IFT172: variants seen among roughly 807,000 people sequenced by gnomAD.
The protein encoded by IFT172 is intraflagellar transport protein 172 homolog.
IFT172 carries 164 observed loss-of-function variants against 248.9 expected under a neutral mutation model. The observed-to-expected ratio is 0.66, with a 90% confidence interval of 0.58 to 0.75. The LOEUF (loss-of-function observed/expected upper bound fraction) is 0.75, where lower values mean the gene tolerates loss of function less well. Among genes scored for constraint, IFT172 ranks in the 30% least tolerant of loss-of-function variants. The pLI, the probability that IFT172 is intolerant of heterozygous loss-of-function variation, is 0.00. For missense variants in IFT172, 1,950 were observed against 2,192.4 expected, an observed-to-expected ratio of 0.89 and a Z score of 2.21; for synonymous variants, 729 against 791.6, an observed-to-expected ratio of 0.92 and a Z score of 1.33.
intron 8 of IFT172, among the ~76,000 whole-genome samples, chr2:27,480,436 GA>G (rs2148548756): frequency 6.6e-6 from 1 of 152,264 alleles, no homozygotes; most frequent in East Asian, 1.9e-4. Context: ...ATGGAACAAG[GA>G]GATAAATGGT....
intron 5 of IFT172, 78 bp from the exon 6 acceptor site, chr2:27,483,737 T>G: frequency 6.5e-7 from 1 of 1,528,914 alleles, no homozygotes; most frequent in South Asian, 1.1e-5. Context: ...AAGGAAAAAC[T>G]GTCCCACAAA....
At position 27,461,347 on chromosome 2, in the gene IFT172, G is replaced by A. The variant is rs754622207; in HGVS notation, c.2364C>T (p.Thr788=). The A allele has an allele frequency of 6.2e-7, 1 of 1,614,146 alleles. No homozygotes were observed. Among genetic ancestry groups the A allele is most frequent in the South Asian group, 1.1e-5 (1 of 91,084 alleles). ...LPAKAARLVL[T]REELLANTEL... ...CTGTGTTGGCTAGCAGTTCCTCTCG[G>A]GTCAGCACCAGCCGAGCAGCTTTGG... The change falls in exon 22 of 48, where the codon ACC becomes ACT. Residue 788 remains threonine (T), a synonymous_variant. Transcript: ENST00000260570.
Position 27,445,028 on chromosome 2 carries a change from G to A in IFT172, c.5146C>T (p.Leu1716Phe). The change falls in exon 47 of 48, where the codon CTT (leucine) becomes TTT (phenylalanine). Residue 1716 changes from leucine to phenylalanine, a missense_variant. Transcript: ENST00000260570. This position sits in a 1 kb window ranked among gnomAD's most constrained non-coding sequence, Gnocchi z 4.4. ...AANKDNWNKF[L>F]MAIKTSHSPV... Reference sequence around the variant, plus strand: ...TCCTCTCTAACCTTGATGGCCATAAGGAATTTATTCCAGTTGTCCTTGTTA... The same window carrying A: ...TCCTCTCTAACCTTGATGGCCATAAAGAATTTATTCCAGTTGTCCTTGTTA... 1 of 1,613,894 alleles carries A rather than the reference G, an allele frequency of 6.2e-7. No individual in the cohort carries two copies. The highest frequency in any genetic ancestry group is 8.5e-7 in the Non-Finnish European group (1 of 1,179,998).
In IFT172 at chr2:27,445,178, G is replaced by C. The variant is rs916432121; in HGVS notation, c.5069-73C>G. On this transcript the variant is annotated intron_variant, in intron 46 of 47. Transcript: ENST00000260570. The surrounding 1 kb of genome is among the most constrained non-coding windows in gnomAD (Gnocchi z 4.4). ...GAGGGAAAAATGAGGAGCAGCCTGG[G>C]GGGTAGAAAGCACAGTCCTGTCTTT... The C allele has an allele frequency of 3.8e-5, 60 of 1,597,874 alleles. 1 individual carries two copies. In the East Asian group the frequency reaches 6.7e-4, roughly 18 times the overall value.
chr2:27,446,375 A>C lies in IFT172; in HGVS notation c.4660-20T>G. 1.2e-6 allele frequency: 2 copies of C among 1,610,060 alleles called. No individual in the cohort carries two copies. The highest frequency in any genetic ancestry group is 1.7e-6 in the Non-Finnish European group (2 of 1,176,284). On this transcript the variant is annotated intron_variant, in intron 42 of 47. Coordinates refer to ENST00000260570, the MANE Select transcript of IFT172 (RefSeq NM_015662.3). ...GGTTTCCTGGGATTAAAGTCAAAGC[A>C]TTATGAATATGGCACTAAAGTGACT...
In IFT172 at chr2:27,471,098, G is replaced by A; in HGVS notation, c.1525-3C>T. The A allele has an allele frequency of 6.2e-7, 1 of 1,603,888 alleles. No individual in the cohort carries two copies. The highest frequency in any genetic ancestry group is 8.5e-7 in the Non-Finnish European group (1 of 1,177,618). ...CTTTCAATATCATACAGATGCAACTGAAGAAAGAAAAGGCAGGTAACACAA... is the reference window on the plus strand; with the variant it reads ...CTTTCAATATCATACAGATGCAACTAAAGAAAGAAAAGGCAGGTAACACAA... On this transcript the variant is annotated splice_region_variant and splice_polypyrimidine_tract_variant and intron_variant, in intron 15 of 47. Transcript: ENST00000260570.
At chr2:27,446,856 T>C (rs10207700) in intron 42 of IFT172, among the ~76,000 whole-genome samples, 68,704 of 149,678 alleles carry the variant, frequency 0.46, 17,103 homozygotes, top group African/African-American at 0.66. Context: ...CCCGCCACCG[T>C]GCCTGGCTAA....
At chr2:27,488,387 C>CA (rs199903703) in intron 1 of IFT172, among the ~76,000 whole-genome samples, 64,708 of 151,402 alleles carry the variant, frequency 0.43, 14,249 homozygotes, top group African/African-American at 0.5. Context: ...CTCCTGACCT[C>CA]AGGTGATCCG....
In IFT172 at chr2:27,465,854, C is replaced by T. The variant is rs773348843; in HGVS notation, c.1721G>A (p.Gly574Glu). Residue 574 changes from glycine to glutamate, a missense_variant, in exon 17 of 48, where the codon GGG becomes GAG. Coordinates refer to ENST00000260570, the MANE Select transcript of IFT172 (RefSeq NM_015662.3). ...CATCACCATCACCTCGGTCTTTCCC[C>T]CGCCCCGCTCCAGACCTATAACATC... ...RGDVIGLERG[G>E]GKTEVMVMEG... 1 of 1,614,106 alleles carries T rather than the reference C, an allele frequency of 6.2e-7. No homozygotes were observed. Among genetic ancestry groups the T allele is most frequent in the Non-Finnish European group, 8.5e-7 (1 of 1,180,008 alleles).
At chr2:27,464,613 T>C (rs1289713744) in intron 18 of IFT172, among the ~76,000 whole-genome samples, 1 of 152,220 alleles carries the variant, frequency 6.6e-6, no homozygotes. Context: ...AGACATACTC[T>C]TGTTTTTTCA....
chr2:27,446,461 T>A, intron 42 of IFT172, 106 bp from the exon 43 acceptor site: 1 of 939,228 alleles, frequency 1.1e-6, no homozygotes, highest in Non-Finnish European at 1.7e-6. Flanking sequence ...CAATTATTAT[T>A]AAACTGCTCT....
intron 5 of IFT172, 106 bp downstream of exon 5, chr2:27,483,766 T>A: frequency 6.9e-7 from 1 of 1,446,520 alleles, no homozygotes; most frequent in Non-Finnish European, 9.7e-7. Context: ...CTATGCATTC[T>A]CCCCAGTACG....
Position 27,461,157 on chromosome 2 carries a change from A to G in IFT172, c.2443-64T>C. On this transcript the variant is annotated intron_variant, in intron 22 of 47. Coordinates refer to ENST00000260570, the MANE Select transcript of IFT172 (RefSeq NM_015662.3). ...CACAAAGAACTAAGTATTAGCTCCG[A>G]AAACAAGGGAACACCAGCAGTCAGG... 1.9e-6 allele frequency: 3 copies of G among 1,613,722 alleles called. No homozygotes were observed. In the South Asian group the frequency reaches 3.3e-5, roughly 18 times the overall value.
In IFT172 at chr2:27,453,550, G is replaced by T. The variant is rs751000729; in HGVS notation, c.3822-37C>A. ...AGAGCGCTGGGACTTGGCATGGTAG[G>T]GGGGCAGCATGCTCTATCCTGTGTA... On this transcript the variant is annotated intron_variant, in intron 34 of 47. Transcript: ENST00000260570. 5.0e-6 allele frequency: 8 copies of T among 1,611,456 alleles called. No homozygotes were observed. The South Asian group carries it at 5.5e-5, about 11-fold the overall frequency.
At chr2:27,468,413 T>A (rs1667285019) in intron 16 of IFT172, among the ~76,000 whole-genome samples, 1 of 151,708 alleles carries the variant, frequency 6.6e-6, no homozygotes, top group Admixed American at 6.6e-5. Context: ...TTGTTCTTTT[T>A]AGTAGAGATG....
chr2:27,482,075 C>G (rs990826389), intron 7 of IFT172, among the ~76,000 whole-genome samples: 29 of 151,870 alleles, frequency 1.9e-4, no homozygotes, highest in African/African-American at 7.0e-4. Flanking sequence ...CCTCCCCTCC[C>G]GGGTTCAAGC....
chr2:27,479,695 A>G (rs1668219149), intron 9 of IFT172, 91 bp from the exon 10 acceptor site: 2 of 877,338 alleles, frequency 2.3e-6, no homozygotes. Context: ...CCTAAGCTCT[A>G]GAGTCTAGAG....
chr2:27,461,114 A>T, intron 22 of IFT172, 21 bp from the exon 23 acceptor site: 1 of 1,614,138 alleles, frequency 6.2e-7, no homozygotes, highest in Non-Finnish European at 8.5e-7. Context: ...ATACCACATT[A>T]CTATGATACC....
rs749020649 is a variant in IFT172 at position 27,445,020 on chromosome 2, G to A, written c.5154C>T (p.Ala1718=). Residue 1718 remains alanine, a synonymous_variant, in exon 47 of 48, where the codon GCC becomes GCT. Transcript: ENST00000260570. The surrounding 1 kb of genome is among the most constrained non-coding windows in gnomAD (Gnocchi z 4.4). The part of the protein sequence containing the change: ...NKDNWNKFLM[A]IKTSHSPVCQ... ...CCAAGTCCTCCTCTCTAACCTTGAT[G>A]GCCATAAGGAATTTATTCCAGTTGT... 3 of 1,613,510 alleles carry A rather than the reference G, an allele frequency of 1.9e-6. No individual in the cohort carries two copies. Among genetic ancestry groups the A allele is most frequent in the Middle Eastern group, 3.3e-4 (2 of 6,060 alleles).
Sources: gnomAD v4.1 joint callset for allele counts (sites outside exome capture counted in the v4.1 genomes callset) on GRCh38, gnomAD v4.1.1 for gene constraint, Gnocchi (gnomAD v3.1) non-coding constraint, MANE v1.5 for transcripts, NCBI Gene and HGNC (gene_info 2026-07-23, HGNC 2026-07-21) for gene names.